NRCAM: variants seen among roughly 807,000 people sequenced by gnomAD.
NRCAM encodes the protein NgCAM-related cell adhesion molecule.
NRCAM carries 83 observed loss-of-function variants against 156.5 expected under a neutral mutation model. The ratio of observed to expected loss-of-function variants is 0.53; its 90% CI spans 0.44 to 0.64. The LOEUF (loss-of-function observed/expected upper bound fraction) is 0.64. Among genes scored for constraint, NRCAM ranks in the 30% least tolerant of loss-of-function variants. The probability of loss-of-function intolerance (pLI) is 0.00; values close to 1 mark genes in which losing one functional copy is unlikely to be tolerated. For missense variants in NRCAM, 1,417 were observed against 1,597.3 expected, an observed-to-expected ratio of 0.89 and a Z score of 1.92; for synonymous variants, 538 against 563.9, an observed-to-expected ratio of 0.95 and a Z score of 0.65.
At chr7:108,163,804 G>C (rs1467077621) in intron 30 of NRCAM, among the ~76,000 whole-genome samples, 2 of 141,104 alleles carry the variant, frequency 1.4e-5, no homozygotes, top group Non-Finnish European at 3.1e-5. Context: ...ATACCGGGTG[G>C]GGTGGCGGTA....
At chr7:108,260,752 C>G (rs918044455) in intron 3 of NRCAM, among the ~76,000 whole-genome samples, 2 of 152,060 alleles carry the variant, frequency 1.3e-5, no homozygotes, top group East Asian at 3.9e-4. Flanking sequence ...AGAGCTGGAA[C>G]AAGAGATGGG....
chr7:108,227,139 T>A (rs2093603187), intron 8 of NRCAM, among the ~76,000 whole-genome samples: 1 of 152,196 alleles, frequency 6.6e-6, no homozygotes, highest in African/African-American at 2.4e-5. Flanking sequence ...GTGAACACTT[T>A]CATCTGTTTT....
intron 1 of NRCAM, among the ~76,000 whole-genome samples, chr7:108,407,759 C>T (rs954534671): frequency 3.3e-5 from 5 of 152,092 alleles, no homozygotes; most frequent in African/African-American, 9.7e-5. Flanking sequence ...AAACCACAGG[C>T]GATATGTTTA....
chr7:108,254,066 G>A (rs2096508223), intron 3 of NRCAM, among the ~76,000 whole-genome samples: 1 of 152,116 alleles, frequency 6.6e-6, no homozygotes, highest in Admixed American at 6.5e-5. Flanking sequence ...AAACATAAGA[G>A]AATATCTCGC....
Position 108,232,917 on chromosome 7 carries a change from A to C in NRCAM, c.231-395T>G, listed in dbSNP as rs150637180. ...GTCTATAAAAATTTGCTTGGGGCTA[A>C]AATGTGACAAGACCTCTGCAAGTAC... is the stretch of plus-strand genomic sequence containing the variant. On this transcript the variant is annotated intron_variant, in intron 6 of 32. Coordinates refer to ENST00000379028, the MANE Select transcript of NRCAM (RefSeq NM_001037132.4). 2.4e-3 allele frequency among the ~76,000 whole-genome samples: 367 copies of C among 152,278 alleles called. 1 individual carries two copies. Among genetic ancestry groups the C allele is most frequent in the African/African-American group, 8.1e-3 (335 of 41,552 alleles).
chr7:108,269,697 A>C (rs1038436596), intron 3 of NRCAM, among the ~76,000 whole-genome samples: 1 of 152,252 alleles, frequency 6.6e-6, no homozygotes, highest in African/African-American at 2.4e-5. Context: ...CTTGAATAAT[A>C]AACTCCATTA....
At chr7:108,221,624 C>G (rs2092317171) in intron 11 of NRCAM, among the ~76,000 whole-genome samples, 2 of 152,160 alleles carry the variant, frequency 1.3e-5, no homozygotes, top group African/African-American at 2.4e-5. Context: ...ACTGTATGTT[C>G]TCACTGATAT....
intron 2 of NRCAM, among the ~76,000 whole-genome samples, chr7:108,318,562 T>C (rs1171741392): frequency 6.6e-6 from 1 of 152,168 alleles, no homozygotes; most frequent in African/African-American, 2.4e-5. Context: ...AGAAGAGCAC[T>C]TGGAATCTAG....
At chr7:108,414,869 G>T (rs1014629217) in intron 1 of NRCAM, among the ~76,000 whole-genome samples, 1 of 152,110 alleles carries the variant, frequency 6.6e-6, no homozygotes, top group Admixed American at 6.5e-5. Context: ...AACAGTGGGC[G>T]TGGTAAGGAG....
intron 13 of NRCAM, among the ~76,000 whole-genome samples, chr7:108,204,090 G>A (rs958727120): frequency 1.3e-5 from 2 of 152,184 alleles, no homozygotes; most frequent in Admixed American, 6.5e-5. Flanking sequence ...AAGCACTGGT[G>A]CTCCGTTTCC....
intron 2 of NRCAM, among the ~76,000 whole-genome samples, chr7:108,386,593 G>C (rs1652288114): frequency 6.6e-6 from 1 of 152,058 alleles, no homozygotes; most frequent in African/African-American, 2.4e-5. Flanking sequence ...TTTTCACATA[G>C]AATATAGAGA....
intron 3 of NRCAM, among the ~76,000 whole-genome samples, chr7:108,250,030 A>G (rs1207106239): frequency 6.6e-6 from 1 of 152,222 alleles, no homozygotes; most frequent in Non-Finnish European, 1.5e-5. Context: ...CAATATTCAC[A>G]ATAGTCAAAA....
intron 2 of NRCAM, among the ~76,000 whole-genome samples, chr7:108,362,372 C>T (rs1000416239): frequency 3.9e-5 from 6 of 152,294 alleles, no homozygotes; most frequent in African/African-American, 1.4e-4. Context: ...CAGATTTCAA[C>T]ATATGAATTT....
At chr7:108,400,453 C>A (rs1340102923) in intron 1 of NRCAM, among the ~76,000 whole-genome samples, 2 of 152,156 alleles carry the variant, frequency 1.3e-5, no homozygotes, top group Non-Finnish European at 2.9e-5. Flanking sequence ...ACTGGGTAAG[C>A]TTTTAAAAAG....
intron 3 of NRCAM, among the ~76,000 whole-genome samples, chr7:108,249,183 A>G (rs1348538362): frequency 6.6e-6 from 1 of 152,232 alleles, no homozygotes; most frequent in Non-Finnish European, 1.5e-5. Flanking sequence ...TCCCAGCCAC[A>G]TTTCAAAATA....
Position 108,203,065 on chromosome 7 carries a change from A to AC in NRCAM, c.1207+4462dup, listed in dbSNP as rs548477205. On this transcript the variant is annotated intron_variant, in intron 13 of 32. Transcript: ENST00000379028. Reference sequence around the variant, plus strand: ...GAGGAAGAAAAAGGAACTCAAAAACACCCCCCTCAGTGTGGCTTTGAAGTC... The same window carrying AC: ...GAGGAAGAAAAAGGAACTCAAAAACACCCCCCCTCAGTGTGGCTTTGAAGTC... Among the ~76,000 whole-genome samples the AC allele has an allele frequency of 2.0e-4, 31 of 151,560 alleles. 1 individual carries two copies. In the East Asian group the frequency reaches 5.8e-3, roughly 28 times the overall value.
chr7:108,326,528 A>G (rs7800100), intron 2 of NRCAM, among the ~76,000 whole-genome samples: 84,955 of 151,934 alleles, frequency 0.56, 24,135 homozygotes, highest in Non-Finnish European at 0.61. Flanking sequence ...ATGAAAATCA[A>G]ACTATAATCA....
chr7:108,189,542 A>C, intron 20 of NRCAM, 103 bp downstream of exon 20: 1 of 678,504 alleles, frequency 1.5e-6, no homozygotes, highest in Non-Finnish European at 2.7e-6. Flanking sequence ...TGAAGCAGAG[A>C]ATCCCAGTAA....
chr7:108,376,033 G>C (rs2099674082), intron 2 of NRCAM, among the ~76,000 whole-genome samples: 1 of 152,204 alleles, frequency 6.6e-6, no homozygotes, highest in Admixed American at 6.5e-5. Flanking sequence ...GTTAACCTGA[G>C]ATGGACACCT....
Sources: gnomAD v4.1 joint callset for allele counts (sites outside exome capture counted in the v4.1 genomes callset) on GRCh38, gnomAD v4.1.1 for gene constraint, MANE v1.5 for transcripts, NCBI Gene and HGNC (gene_info 2026-07-23, HGNC 2026-07-21) for gene names.